The following RAB7B variants were observed in gnomAD, a reference collection of about 807,000 sequenced individuals.
RAB7B encodes RAB7B, member RAS oncogene family.
chr1:205,994,382 C>T, intron 1 of RAB7B: 1 of 311,734 alleles, frequency 3.2e-6, no homozygotes, highest in African/African-American at 2.1e-5. Context: ...CCAGGACAGG[C>T]AAATCTCTCA....
intron 4 of RAB7B, among the ~76,000 whole-genome samples, chr1:205,986,833 T>C (rs1273671294): frequency 1.3e-5 from 2 of 152,146 alleles, no homozygotes; most frequent in Non-Finnish European, 2.9e-5. Flanking sequence ...AAAGGACCAT[T>C]CCACCCCTCT....
intron 1 of RAB7B, among the ~76,000 whole-genome samples, chr1:205,997,640 C>A (rs999560973): frequency 6.6e-6 from 1 of 151,942 alleles, no homozygotes; most frequent in African/African-American, 2.4e-5. Context: ...AAGGCTTGAA[C>A]CTGGGCTGGC....
chr1:206,001,251 C>G (rs1660885930), intron 1 of RAB7B, among the ~76,000 whole-genome samples: 2 of 150,798 alleles, frequency 1.3e-5, no homozygotes, highest in South Asian at 4.2e-4. Context: ...TCCATGTCAT[C>G]TCTGCTGGGC....
rs993114144 is a variant in RAB7B at position 205,982,076 on chromosome 1, A to G, written c.523-3148T>C. ...TCTGCTCTCAGCAGGTGCCTCACAT[A>G]TTGCTCTCTTTACTACAAGGCTCAC... On this transcript the variant is annotated intron_variant, in intron 5 of 5. Coordinates refer to ENST00000617070, the MANE Select transcript of RAB7B (RefSeq NM_001164522.3). Among the ~76,000 whole-genome samples the G allele has an allele frequency of 3.5e-3, 536 of 152,280 alleles. 28 individuals carry two copies. The East Asian group carries it at 0.084, about 24-fold the overall frequency.
In RAB7B at chr1:205,991,339, C is replaced by T. The variant is rs1398773206; in HGVS notation, c.396+1141G>A. On this transcript the variant is annotated intron_variant, in intron 4 of 5. Coordinates refer to ENST00000617070, the MANE Select transcript of RAB7B (RefSeq NM_001164522.3). ...ATGAACTTAGGACTTTGCTTATTAT[C>T]TGAGGCTGGATATTTGTAATTAGAG... 3.3e-5 allele frequency among the ~76,000 whole-genome samples: 5 copies of T among 152,318 alleles called. No individual in the cohort carries two copies. The South Asian group carries it at 6.2e-4, about 19-fold the overall frequency.
intron 4 of RAB7B, among the ~76,000 whole-genome samples, chr1:205,992,220 G>A (rs1660733071): frequency 6.6e-6 from 1 of 152,152 alleles, no homozygotes; most frequent in Non-Finnish European, 1.5e-5. Context: ...TATATTCTAG[G>A]CTTGGGTAGA....
At chr1:205,984,011 G>T (rs1378579109) in intron 5 of RAB7B, 2 of 152,248 alleles carry the variant, frequency 1.3e-5, no homozygotes, top group Non-Finnish European at 2.9e-5. Flanking sequence ...GCTGCACTGT[G>T]CTTGTGGAGG....
Position 205,994,085 on chromosome 1 carries a change from A to G in RAB7B, c.51T>C (p.Ile17=). The G allele has an allele frequency of 2.5e-6, 1 of 398,658 alleles. No individual in the cohort carries two copies. Among genetic ancestry groups the G allele is most frequent in the Non-Finnish European group, 4.4e-6 (1 of 226,106 alleles). The allele number at this position is 398,658 out of a possible 1,614,324, so 24.7% of individuals were successfully genotyped here. ...TCCCAGAGCTGAGCTTGGCTTACCC[A>G]ATGGCTCCGACGATAATGAGTTTCA... is the stretch of plus-strand genomic sequence containing the variant. The part of the protein sequence containing the change: ...VDLKLIIVGA[I]GVGKTSLLHQ... Residue 17 remains isoleucine (I), a splice_region_variant and synonymous_variant, in exon 2 of 6, where the codon ATT becomes ATC. Transcript: ENST00000617070.
chr1:205,987,763 T>C (rs1253648797), intron 4 of RAB7B, among the ~76,000 whole-genome samples: 5 of 152,152 alleles, frequency 3.3e-5, no homozygotes, highest in Non-Finnish European at 7.3e-5. Flanking sequence ...AATATTACCT[T>C]CTGTAGAAGG....
intron 5 of RAB7B, among the ~76,000 whole-genome samples, chr1:205,985,313 A>G (rs1162735292): frequency 1.3e-5 from 2 of 152,124 alleles, no homozygotes; most frequent in Non-Finnish European, 2.9e-5. Context: ...AGCTGGATTG[A>G]CAGACCACTG....
At chr1:205,995,823 A>AAT (rs1660803753) in intron 1 of RAB7B, among the ~76,000 whole-genome samples, 1 of 152,224 alleles carries the variant, frequency 6.6e-6, no homozygotes, top group South Asian at 2.1e-4. Context: ...TGGTGACTAT[A>AAT]GTTAACAACA....
chr1:205,990,474 T>C (rs1163054777), intron 4 of RAB7B, among the ~76,000 whole-genome samples: 12 of 152,198 alleles, frequency 7.9e-5, no homozygotes, highest in Admixed American at 5.2e-4. Flanking sequence ...CAGCTACCCT[T>C]GTCCCCCAGT....
intron 5 of RAB7B, among the ~76,000 whole-genome samples, chr1:205,983,339 A>G (rs955033248): frequency 0.94 from 142,962 of 152,148 alleles, 67,826 homozygotes; most frequent in East Asian, 1. Context: ...ACTGTGAATT[A>G]CCTTCCAAAC....
At chr1:205,999,907 A>T (rs1306618053) in intron 1 of RAB7B, among the ~76,000 whole-genome samples, 1 of 152,188 alleles carries the variant, frequency 6.6e-6, no homozygotes, top group Non-Finnish European at 1.5e-5. Flanking sequence ...AGCTGGGACT[A>T]CAGGTGTATG....
intron 5 of RAB7B, among the ~76,000 whole-genome samples, chr1:205,982,780 G>A (rs1374376460): frequency 6.6e-6 from 1 of 152,144 alleles, no homozygotes; most frequent in Non-Finnish European, 1.5e-5. Flanking sequence ...CCCTGGGCTG[G>A]AGCAAATGAG....
intron 5 of RAB7B, 34 bp downstream of exon 5, chr1:205,985,506 G>A (rs1660574956): frequency 1.0e-5 from 4 of 398,498 alleles, no homozygotes; most frequent in African/African-American, 2.1e-5. Flanking sequence ...ATCCAGGGGC[G>A]GTCTCAGCAG....
chr1:205,996,671 C>T (rs1660817129), intron 1 of RAB7B, among the ~76,000 whole-genome samples: 2 of 152,170 alleles, frequency 1.3e-5, no homozygotes, highest in Admixed American at 6.5e-5. Flanking sequence ...GGACTGTATT[C>T]ATCTGTTCTC....
Position 205,987,526 on chromosome 1 carries a change from T to C in RAB7B, c.397-1861A>G, listed in dbSNP as rs1051745841. On this transcript the variant is annotated intron_variant, in intron 4 of 5. Transcript: ENST00000617070. ...CATGTGCTTTTAAAATAATCAATTA[T>C]ACAAGTGCTAAAATTAGTATTACTA... 9.0e-3 allele frequency among the ~76,000 whole-genome samples: 1,369 copies of C among 152,336 alleles called. 19 individuals carry two copies. Among genetic ancestry groups the C allele is most frequent in the African/African-American group, 0.031 (1,287 of 41,570 alleles).
At chr1:205,996,094 T>C (rs1660808651) in intron 1 of RAB7B, among the ~76,000 whole-genome samples, 1 of 151,950 alleles carries the variant, frequency 6.6e-6, no homozygotes, top group Admixed American at 6.6e-5. Context: ...ATTCTTTTTT[T>C]TTTTTACAAT....
Sources: allele counts gnomAD v4.1 joint callset (sites outside exome capture counted in the v4.1 genomes callset), GRCh38; gene constraint gnomAD v4.1.1; transcripts MANE v1.5; gene names NCBI Gene and HGNC (gene_info 2026-07-23, HGNC 2026-07-21).